UQCC1: variants seen among roughly 807,000 people sequenced by gnomAD.
The protein encoded by UQCC1 is bFGF-repressed Zic-binding protein.
Under a neutral mutation model 48.0 loss-of-function variants are expected in UQCC1, and 38 were observed. The observed-to-expected ratio is 0.79, with a 90% CI of 0.61 to 1.04. UQCC1 has a LOEUF of 1.04. Ranked by LOEUF, UQCC1 falls within the 50% of genes least tolerant of loss-of-function variation. UQCC1 has a pLI of 0.00. For synonymous variants in UQCC1, 111 were observed against 129.2 expected (o/e 0.86, Z 0.95); for missense variants, 368 against 381.8 (o/e 0.96, Z 0.30).
chr20:35,382,131 G>A, intron 3 of UQCC1, 106 bp from the exon 4 acceptor site: 1 of 639,934 alleles, frequency 1.6e-6, no homozygotes, highest in Non-Finnish European at 2.7e-6. Flanking sequence ...AATACAGTCA[G>A]GGTCTCCTCC....
intron 1 of UQCC1, among the ~76,000 whole-genome samples, chr20:35,409,115 G>A (rs986496704): frequency 6.6e-6 from 1 of 152,154 alleles, no homozygotes; most frequent in African/African-American, 2.4e-5. Flanking sequence ...GTGGATAAGG[G>A]TGGTAAAGAT....
intron 1 of UQCC1, among the ~76,000 whole-genome samples, chr20:35,394,993 T>C (rs986252301): frequency 1.2e-4 from 18 of 152,162 alleles, no homozygotes; most frequent in African/African-American, 4.1e-4. Context: ...ATCAGTTTAT[T>C]ATAAGGGATA....
chr20:35,314,300 C>CTAAAAAAAAAA (rs2061030828), intron 8 of UQCC1, among the ~76,000 whole-genome samples: 1 of 129,376 alleles, frequency 7.7e-6, no homozygotes, highest in African/African-American at 2.8e-5. Flanking sequence ...ATAATTAAAG[C>CTAAAAAAAAAA]AAAAAAAAAA....
At chr20:35,404,261 C>T (rs1017589776) in intron 1 of UQCC1, among the ~76,000 whole-genome samples, 5 of 151,702 alleles carry the variant, frequency 3.3e-5, no homozygotes, top group South Asian at 2.1e-4. Context: ...CCCAGCTACT[C>T]GGAGAGGCTG....
chr20:35,330,441 C>A (rs1333403021), intron 7 of UQCC1, among the ~76,000 whole-genome samples: 1 of 152,208 alleles, frequency 6.6e-6, no homozygotes, highest in Non-Finnish European at 1.5e-5. Flanking sequence ...AATAAAAACA[C>A]TGACTGCTTG....
chr20:35,310,426 C>T (rs1027736708), intron 8 of UQCC1, among the ~76,000 whole-genome samples: 3 of 151,784 alleles, frequency 2.0e-5, no homozygotes, highest in African/African-American at 4.8e-5. Context: ...GGGTGGATCA[C>T]GAGGTCAAGA....
chr20:35,394,011 G>C (rs781270754), intron 2 of UQCC1, 81 bp downstream of exon 2: 18 of 1,342,420 alleles, frequency 1.3e-5, no homozygotes, highest in Non-Finnish European at 1.9e-5. Flanking sequence ...CACACAATTT[G>C]GTTGGCTAAT....
At chr20:35,382,172 T>C (rs2061879017) in intron 3 of UQCC1, 147 bp from the exon 4 acceptor site, 1 of 548,564 alleles carries the variant, frequency 1.8e-6, no homozygotes, top group South Asian at 2.1e-5. Context: ...AGTGGCACAA[T>C]CATAGCTCAC....
intron 7 of UQCC1, among the ~76,000 whole-genome samples, chr20:35,339,647 A>G (rs2061356588): frequency 6.6e-6 from 1 of 152,194 alleles, no homozygotes; most frequent in African/African-American, 2.4e-5. Context: ...CCAGAACATG[A>G]ATACTTCTTT....
intron 3 of UQCC1, among the ~76,000 whole-genome samples, chr20:35,382,857 G>A (rs183262976): frequency 3.5e-4 from 53 of 152,128 alleles, no homozygotes; most frequent in African/African-American, 1.2e-3. Context: ...AAACACATTT[G>A]GAACTGTACC....
At chr20:35,399,623 T>C (rs948791185) in intron 1 of UQCC1, among the ~76,000 whole-genome samples, 10 of 151,854 alleles carry the variant, frequency 6.6e-5, no homozygotes, top group African/African-American at 1.2e-4. Flanking sequence ...TGGGAGACCA[T>C]AGGCGGGCAG....
rs1183843739 is a variant in UQCC1 at position 35,410,704 on chromosome 20, C to CAAAAAAAA, written c.24+1228_24+1235dup. On this transcript the variant is annotated intron_variant, in intron 1 of 9. Transcript: ENST00000374385. ...TCGGCGACAGAGCAAGACTCTGCCT[C>CAAAAAAAA]AAAAAAAAAAAAAAAAAAAACAAAA... 8.5e-3 allele frequency among the ~76,000 whole-genome samples: 23 copies of CAAAAAAAA among 2,700 alleles called. 5 individuals are homozygous for CAAAAAAAA. Among genetic ancestry groups the CAAAAAAAA allele is most frequent in the Admixed American group, 0.013 (2 of 154 alleles). The allele number at this position is 2,700 out of a possible 152,430, so 1.8% of individuals were successfully genotyped here.
At chr20:35,391,068 C>G (rs1449941931) in intron 2 of UQCC1, among the ~76,000 whole-genome samples, 1 of 151,920 alleles carries the variant, frequency 6.6e-6, no homozygotes, top group African/African-American at 2.4e-5. Flanking sequence ...TGGTGGCGGG[C>G]ACCTGCAATC....
At chr20:35,397,399 C>T (rs2062095559) in intron 1 of UQCC1, among the ~76,000 whole-genome samples, 1 of 150,374 alleles carries the variant, frequency 6.7e-6, no homozygotes, top group Non-Finnish European at 1.5e-5. Context: ...GCCTGTAATC[C>T]CAGCTACTCA....
At chr20:35,388,596 A>T (rs1210132906) in intron 2 of UQCC1, among the ~76,000 whole-genome samples, 1 of 152,154 alleles carries the variant, frequency 6.6e-6, no homozygotes, top group Admixed American at 6.6e-5. Context: ...CCTGTTTTAG[A>T]AATTAGAACA....
chr20:35,362,141 A>C (rs915616155), intron 6 of UQCC1, among the ~76,000 whole-genome samples: 8 of 152,216 alleles, frequency 5.3e-5, no homozygotes, highest in African/African-American at 1.7e-4. Context: ...ATACTGAAGG[A>C]AAAACAGGAA....
At chr20:35,368,280 C>A (rs148931340) in intron 5 of UQCC1, among the ~76,000 whole-genome samples, 1 of 152,148 alleles carries the variant, frequency 6.6e-6, no homozygotes, top group Non-Finnish European at 1.5e-5. Context: ...TAATTCACTG[C>A]GGGCTTACTA....
At chr20:35,375,815 A>C (rs1432781537) in intron 4 of UQCC1, among the ~76,000 whole-genome samples, 5 of 152,000 alleles carry the variant, frequency 3.3e-5, no homozygotes, top group Non-Finnish European at 7.4e-5. Context: ...TTAGCTGGCC[A>C]TGGTGGTGTG....
At chr20:35,335,660 G>A (rs2061307797) in intron 7 of UQCC1, among the ~76,000 whole-genome samples, 1 of 152,152 alleles carries the variant, frequency 6.6e-6, no homozygotes. Flanking sequence ...GGTTTCCAGG[G>A]GCTAGGGGTA....
Sources: gnomAD v4.1 joint callset for allele counts (sites outside exome capture counted in the v4.1 genomes callset) on GRCh38, gnomAD v4.1.1 for gene constraint, MANE v1.5 for transcripts, NCBI Gene and HGNC (gene_info 2026-07-23, HGNC 2026-07-21) for gene names.